The following PDE4B variants were observed in gnomAD, a reference collection of about 807,000 sequenced individuals.
PDE4B encodes phosphodiesterase 4B.
PDE4B carries 20 observed loss-of-function variants against 82.2 expected under a neutral mutation model. The ratio of observed to expected loss-of-function variants is 0.24; its 90% CI spans 0.17 to 0.35. The LOEUF (loss-of-function observed/expected upper bound fraction) is 0.35. PDE4B is among the 10% of genes least tolerant of loss of function. PDE4B has a pLI of 1.00. For synonymous variants in PDE4B, 320 were observed against 318.9 expected, an observed-to-expected ratio of 1.00 and a Z score of -0.04; for missense variants, 655 against 907.2, an observed-to-expected ratio of 0.72 and a Z score of 3.57.
intron 3 of PDE4B, among the ~76,000 whole-genome samples, chr1:66,238,097 C>A (rs1380567619): frequency 6.6e-6 from 1 of 152,150 alleles, no homozygotes; most frequent in Non-Finnish European, 1.5e-5. Context: ...AAGAAGGCAG[C>A]CATCCAGAGA....
chr1:66,223,453 C>T (rs982682741), intron 3 of PDE4B, among the ~76,000 whole-genome samples: 6 of 152,276 alleles, frequency 3.9e-5, no homozygotes, highest in African/African-American at 1.4e-4. Context: ...CTCAGTAGTC[C>T]AAGCCTCCCA....
chr1:66,190,842 G>A (rs944383156), intron 3 of PDE4B, among the ~76,000 whole-genome samples: 2 of 151,994 alleles, frequency 1.3e-5, no homozygotes, highest in South Asian at 2.1e-4. Flanking sequence ...TGCACGTGCT[G>A]TCCTGTACCC....
Position 66,315,630 on chromosome 1 carries a change from A to AT in PDE4B, c.635-16869dup, listed in dbSNP as rs200836854. Among the ~76,000 whole-genome samples, 97 of 150,628 alleles carry AT rather than the reference A, an allele frequency of 6.4e-4. 1 individual carries two copies. Among genetic ancestry groups the AT allele is most frequent in the African/African-American group, 2.1e-3 (85 of 41,000 alleles). On this transcript the variant is annotated intron_variant, in intron 7 of 16. Transcript: ENST00000341517. The stretch of plus-strand genomic sequence containing the variant: ...GCCACCACGCCGGGCTAATTTTTGT[A>AT]TTTTTTTTTAATAGAGACCGGATTT...
chr1:66,206,636 C>T (rs1649577938), intron 3 of PDE4B, among the ~76,000 whole-genome samples: 1 of 152,106 alleles, frequency 6.6e-6, no homozygotes, highest in Admixed American at 6.5e-5. Context: ...TGGCTTGGTT[C>T]AGAAATGTGC....
intron 7 of PDE4B, among the ~76,000 whole-genome samples, chr1:66,282,393 A>G (rs1557677601): frequency 6.6e-6 from 1 of 152,144 alleles, no homozygotes; most frequent in East Asian, 1.9e-4. Context: ...GCTGTGGGAG[A>G]CATATCTCCA....
At chr1:66,081,830 CTCTGTGTGTG>C (rs896562191) in intron 3 of PDE4B, among the ~76,000 whole-genome samples, 5 of 112,650 alleles carry the variant, frequency 4.4e-5, no homozygotes, top group African/African-American at 1.6e-4. Flanking sequence ...CTCTCTCTCT[CTCTGTGTGTG>C]TGTGTGTGTG....
intron 3 of PDE4B, among the ~76,000 whole-genome samples, chr1:66,104,618 A>G (rs1358824409): frequency 6.7e-6 from 1 of 148,312 alleles, no homozygotes; most frequent in Non-Finnish European, 1.5e-5. Flanking sequence ...CTGACTTTTT[A>G]ATGATTGCCA....
At chr1:65,931,996 A>T (rs1173649950) in intron 3 of PDE4B, among the ~76,000 whole-genome samples, 2 of 152,184 alleles carry the variant, frequency 1.3e-5, no homozygotes, top group African/African-American at 4.8e-5. Context: ...CTCAACACAG[A>T]GCAAGAAAAT....
At chr1:66,206,281 A>G (rs1363995117) in intron 3 of PDE4B, among the ~76,000 whole-genome samples, 3 of 152,176 alleles carry the variant, frequency 2.0e-5, no homozygotes, top group Non-Finnish European at 4.4e-5. Context: ...TAGCTTCAGA[A>G]GATCTACCGG....
chr1:65,903,106 A>G (rs988040067), intron 1 of PDE4B, among the ~76,000 whole-genome samples: 1 of 152,184 alleles, frequency 6.6e-6, no homozygotes, highest in African/African-American at 2.4e-5. Flanking sequence ...GGAAGTGGGT[A>G]TAATAAGCAC....
At chr1:65,811,988 G>T (rs1164203947) in intron 1 of PDE4B, among the ~76,000 whole-genome samples, 3 of 152,042 alleles carry the variant, frequency 2.0e-5, no homozygotes, top group Non-Finnish European at 4.4e-5. Flanking sequence ...AAAACCCCAG[G>T]ACCATTAAAA....
chr1:66,011,230 A>AG (rs1346963443), intron 3 of PDE4B, among the ~76,000 whole-genome samples: 1 of 151,510 alleles, frequency 6.6e-6, no homozygotes, highest in East Asian at 1.9e-4. Context: ...TGCCAAAAAA[A>AG]AAAAAAAAAG....
intron 8 of PDE4B, among the ~76,000 whole-genome samples, chr1:66,335,898 ACCT>A (rs1400099697): frequency 6.6e-6 from 1 of 152,160 alleles, no homozygotes; most frequent in Non-Finnish European, 1.5e-5. Flanking sequence ...AATTTTCATC[ACCT>A]CCTGAATTAG....
At chr1:66,344,836 G>A (rs992000651) in intron 8 of PDE4B, among the ~76,000 whole-genome samples, 5 of 152,150 alleles carry the variant, frequency 3.3e-5, no homozygotes, top group Non-Finnish European at 5.9e-5. Context: ...GCATCTGCCC[G>A]AGGGAACATT....
At chr1:66,003,839 T>C (rs1652002432) in intron 3 of PDE4B, among the ~76,000 whole-genome samples, 1 of 152,186 alleles carries the variant, frequency 6.6e-6, no homozygotes, top group South Asian at 2.1e-4. Flanking sequence ...AGTCTACTGT[T>C]GAAATTCATA....
At chr1:66,340,259 T>C (rs918907063) in intron 8 of PDE4B, among the ~76,000 whole-genome samples, 2 of 152,206 alleles carry the variant, frequency 1.3e-5, no homozygotes, top group African/African-American at 4.8e-5. Context: ...ACTTCCTTTG[T>C]TTGATTGACT....
chr1:66,073,045 C>T (rs570850395), intron 3 of PDE4B, among the ~76,000 whole-genome samples: 105 of 151,110 alleles, frequency 6.9e-4, no homozygotes, highest in Non-Finnish European at 1.4e-3. Flanking sequence ...CAGCCAGTTC[C>T]TTATAGAAAC....
chr1:66,202,751 G>T (rs1557630902), intron 3 of PDE4B, among the ~76,000 whole-genome samples: 1 of 152,042 alleles, frequency 6.6e-6, no homozygotes, highest in Non-Finnish European at 1.5e-5. Flanking sequence ...CTCGGCACGT[G>T]AGATGGGTTT....
At chr1:66,111,951 G>A (rs1306315582) in intron 3 of PDE4B, among the ~76,000 whole-genome samples, 1 of 152,070 alleles carries the variant, frequency 6.6e-6, no homozygotes, top group Non-Finnish European at 1.5e-5. Flanking sequence ...TTTTATATTG[G>A]AAACCCACAA....
Sources: gnomAD v4.1 joint callset for allele counts (sites outside exome capture counted in the v4.1 genomes callset) on GRCh38, gnomAD v4.1.1 for gene constraint, MANE v1.5 for transcripts, NCBI Gene and HGNC (gene_info 2026-07-23, HGNC 2026-07-21) for gene names.